The following UBXN4 variants were observed in gnomAD, a reference collection of about 807,000 sequenced individuals.
UBXN4 encodes the protein UBX domain-containing protein 4.
A neutral mutation model predicts 66.2 loss-of-function variants in UBXN4; 35 were observed. The ratio of observed to expected loss-of-function variants is 0.53; its 90% confidence interval spans 0.40 to 0.70. The LOEUF is 0.70. UBXN4 is among the 30% of genes least tolerant of loss of function. UBXN4 has a pLI of 0.00. For missense variants in UBXN4, 533 were observed against 599.8 expected, an observed-to-expected ratio of 0.89 and a Z score of 1.16; for synonymous variants, 203 against 204.5, an observed-to-expected ratio of 0.99 and a Z score of 0.06.
rs74891156 is a variant in UBXN4 at position 135,775,347 on chromosome 2, C to G, written c.951-902C>G. Among the ~76,000 whole-genome samples the G allele has an allele frequency of 0.01, 1,588 of 152,278 alleles. 98 individuals are homozygous for G. In the East Asian group the frequency reaches 0.19, roughly 18 times the overall value. ...GAATTGAAAACGTCAACACAAAAAC[C>G]TGTACATGAGTATAGCAGCATTAGT... is the stretch of plus-strand genomic sequence containing the variant. On this transcript the variant is annotated intron_variant, in intron 9 of 12. Coordinates refer to ENST00000272638, the MANE Select transcript of UBXN4 (RefSeq NM_014607.4).
rs2077433205 is a variant in UBXN4 at position 135,778,824 on chromosome 2, T to C, written c.1054-124T>C. On this transcript the variant is annotated intron_variant, in intron 10 of 12. Transcript: ENST00000272638. ...TGGAAGCACAATTTTATACCTTTTT[T>C]TGAGTTTACATGTAATGAACTTTTA... is the stretch of plus-strand genomic sequence containing the variant. The C allele has an allele frequency of 3.7e-6, 4 of 1,077,430 alleles. No individual in the cohort carries two copies. In the African/African-American group the frequency reaches 6.5e-5, roughly 18 times the overall value. The allele number at this position is 1,077,430 out of a possible 1,614,324, so 66.7% of individuals were successfully genotyped here.
In UBXN4 at chr2:135,754,266, A is replaced by G; in HGVS notation, c.322A>G (p.Lys108Glu). The G allele has an allele frequency of 6.2e-7, 1 of 1,612,602 alleles. No homozygotes were observed. The highest frequency in any genetic ancestry group is 8.5e-7 in the Non-Finnish European group (1 of 1,178,628). The stretch of plus-strand genomic sequence containing the variant: ...AGATGAACTTGTTACAAGAATTCAC[A>G]AGGTCCGACAGGTAAGAAGGAACAG... ...SADELVTRIH[K>E]VRQMHLLKSE... is the part of the protein sequence containing the mutation. Residue 108 changes from lysine (K) to glutamate (E), a missense_variant, in exon 4 of 13, where the codon AAG becomes GAG. Lys to Glu is a moderately conservative substitution (Grantham distance 56, BLOSUM62 1). Around this residue, in one of 2 missense-constraint regions of UBXN4, gnomAD observed 529 missense variants for 580.1 expected, o/e 0.91. Transcript: ENST00000272638.
intron 5 of UBXN4, among the ~76,000 whole-genome samples, chr2:135,756,876 TCCA>T (rs1458941130): frequency 1.3e-5 from 2 of 152,232 alleles, no homozygotes; most frequent in Non-Finnish European, 2.9e-5. Flanking sequence ...ACAGGTATTG[TCCA>T]CCGTCTTCTG....
intron 3 of UBXN4, chr2:135,753,780 A>G (rs2077261953): frequency 6.3e-6 from 3 of 478,018 alleles, no homozygotes; most frequent in South Asian, 4.1e-5. Context: ...AGTGCACCCC[A>G]TACATTGAGA....
At chr2:135,742,468 C>T (rs1003754914) in intron 1 of UBXN4, 3 of 154,664 alleles carry the variant, frequency 1.9e-5, no homozygotes, top group Non-Finnish European at 4.3e-5. Flanking sequence ...CAGCCCCGCT[C>T]GTCGCCCCGA....
In UBXN4 at chr2:135,782,984, A is replaced by T. The variant is rs1387840777; in HGVS notation, c.*97A>T. The stretch of plus-strand genomic sequence containing the variant: ...AAGTGGGACTGCTTTATATTTTCCA[A>T]CTGGTCTATAAAATGTCTCTTTATT... On this transcript the variant is annotated 3_prime_UTR_variant, in exon 13 of 13. Transcript: ENST00000272638. 7.5e-7 allele frequency: 1 copy of T among 1,336,382 alleles called. No homozygotes were observed. The highest frequency in any genetic ancestry group is 1.5e-5 in the African/African-American group (1 of 68,192). The allele number at this position is 1,336,382 out of a possible 1,614,324, so 82.8% of individuals were successfully genotyped here.
intron 5 of UBXN4, among the ~76,000 whole-genome samples, chr2:135,759,281 T>G (rs1000262679): frequency 3.3e-5 from 5 of 152,268 alleles, no homozygotes; most frequent in Admixed American, 3.3e-4. Context: ...AGATAAGAAA[T>G]TTTTAAAAAT....
intron 2 of UBXN4, among the ~76,000 whole-genome samples, chr2:135,753,275 C>T (rs990711679): frequency 2.0e-5 from 3 of 152,118 alleles, no homozygotes; most frequent in South Asian, 2.1e-4. Flanking sequence ...CTGCCTGCCT[C>T]GGCCTCCCAA....
intron 8 of UBXN4, 31 bp downstream of exon 8, chr2:135,770,766 A>G: frequency 1.4e-6 from 2 of 1,451,196 alleles, no homozygotes; most frequent in Admixed American, 2.7e-5. Flanking sequence ...CATTCGTGAA[A>G]CTGTTTTTCT....
chr2:135,755,413 T>G, intron 4 of UBXN4, 104 bp from the exon 5 acceptor site: 4 of 847,492 alleles, frequency 4.7e-6, no homozygotes, highest in Non-Finnish European at 6.4e-6. Flanking sequence ...CATTTCGTAT[T>G]TCTCTTTTTA....
Position 135,742,675 on chromosome 2 carries a change from A to C in UBXN4, c.82+664A>C, listed in dbSNP as rs2077183527. 4 of 152,276 alleles carry C rather than the reference A, an allele frequency of 2.6e-5. No individual in the cohort carries two copies. The South Asian group carries it at 6.2e-4, about 24-fold the overall frequency. 9.4% of individuals were successfully genotyped at this position (152,276 alleles called of 1,614,324 possible). On this transcript the variant is annotated intron_variant, in intron 1 of 12. Coordinates refer to ENST00000272638, the MANE Select transcript of UBXN4 (RefSeq NM_014607.4). ...GAAGAAAGCTGTGTCATCGATAAGCAACAAAGAGAAACCACCTGATGTTCA... is the reference window on the plus strand; with the variant it reads ...GAAGAAAGCTGTGTCATCGATAAGCCACAAAGAGAAACCACCTGATGTTCA...
At chr2:135,768,113 G>T (rs1410299872) in intron 6 of UBXN4, among the ~76,000 whole-genome samples, 1 of 152,160 alleles carries the variant, frequency 6.6e-6, no homozygotes, top group East Asian at 1.9e-4. Flanking sequence ...GAAATTGAAA[G>T]TGTACAATTC....
intron 10 of UBXN4, among the ~76,000 whole-genome samples, chr2:135,777,479 A>T (rs2077423375): frequency 6.6e-6 from 1 of 152,144 alleles, no homozygotes; most frequent in African/African-American, 2.4e-5. Context: ...AGGTGCTTTC[A>T]TTCTTCTTTT....
chr2:135,766,847 G>A (rs542348766), intron 6 of UBXN4, among the ~76,000 whole-genome samples: 2 of 152,088 alleles, frequency 1.3e-5, no homozygotes, highest in African/African-American at 2.4e-5. Flanking sequence ...TTCACCCGGT[G>A]GTTTCAGCAT....
intron 8 of UBXN4, 107 bp downstream of exon 8, chr2:135,770,842 C>A: frequency 9.3e-7 from 1 of 1,077,034 alleles, no homozygotes; most frequent in Non-Finnish European, 1.2e-6. Flanking sequence ...GACTCATAGA[C>A]TACCAATCCT....
chr2:135,769,456 A>T (rs915552500), intron 6 of UBXN4, among the ~76,000 whole-genome samples: 2 of 151,976 alleles, frequency 1.3e-5, no homozygotes, highest in Non-Finnish European at 2.9e-5. Context: ...AGCATTTATA[A>T]GTCACTGATT....
intron 6 of UBXN4, 78 bp downstream of exon 6, chr2:135,761,989 G>A: frequency 7.2e-7 from 1 of 1,391,754 alleles, no homozygotes; most frequent in East Asian, 2.4e-5. Flanking sequence ...TTGAATTAAA[G>A]CTAAAGTTAT....
chr2:135,770,408 T>C (rs1343163651), intron 7 of UBXN4, among the ~76,000 whole-genome samples, 163 bp from the exon 8 acceptor site: 1 of 152,228 alleles, frequency 6.6e-6, no homozygotes, highest in Admixed American at 6.5e-5. Context: ...CAATGATTTA[T>C]AGATTGATAG....
intron 5 of UBXN4, among the ~76,000 whole-genome samples, chr2:135,758,819 C>T (rs1386480226): frequency 5.3e-5 from 8 of 151,830 alleles, no homozygotes; most frequent in Non-Finnish European, 7.4e-5. Flanking sequence ...AGTGCAGTGG[C>T]GTGATCTCGG....
Sources: gnomAD v4.1 joint callset for allele counts (sites outside exome capture counted in the v4.1 genomes callset) on GRCh38, gnomAD v4.1.1 for gene constraint, gnomAD v4.1.1 regional missense constraint, MANE v1.5 for transcripts, NCBI Gene and HGNC (gene_info 2026-07-23, HGNC 2026-07-21) for gene names.